CACNA1H: variants seen among roughly 807,000 people sequenced by gnomAD.
CACNA1H encodes voltage-dependent T-type calcium channel subunit alpha-1H.
Under a neutral mutation model 192.5 loss-of-function variants are expected in CACNA1H, and 149 were observed. The ratio of observed to expected loss-of-function variants is 0.77; its 90% CI spans 0.68 to 0.89. The LOEUF (loss-of-function observed/expected upper bound fraction) is 0.89. CACNA1H is among the 40% of genes least tolerant of loss of function. CACNA1H has a pLI of 0.00. For synonymous variants in CACNA1H, 2,202 were observed against 1,475.2 expected, an observed-to-expected ratio of 1.49 and a Z score of -11.29; for missense variants, 4,257 against 3,423.5, an observed-to-expected ratio of 1.24 and a Z score of -6.08.
Position 1,221,347 on chromosome 16 carries a change from C to T in CACNA1H, c.*353C>T, listed in dbSNP as rs1012116687. The T allele has an allele frequency of 1.2e-5, 4 of 342,000 alleles. No individual in the cohort carries two copies. Among genetic ancestry groups the T allele is most frequent in the Non-Finnish European group, 2.1e-5 (4 of 188,716 alleles). The allele number at this position is 342,000 out of a possible 1,614,324, so 21.2% of individuals were successfully genotyped here. A position where few individuals can be genotyped will look rare whatever the true frequency, so the allele number is the denominator to read the frequency against. ...CCAGGTTGCGTCCTTTCAGGCCCCG[C>T]GTTGTTACAGGACACTCGCTGGGGG... On this transcript the variant is annotated 3_prime_UTR_variant, in exon 35 of 35. Transcript: ENST00000348261.
intron 6 of CACNA1H, among the ~76,000 whole-genome samples, chr16:1,199,293 C>T (rs34268677): frequency 5.3e-5 from 5 of 93,800 alleles, no homozygotes; most frequent in African/African-American, 4.9e-5. Flanking sequence ...CTCCGCCCAC[C>T]GCGCAGTCGC....
chr16:1,171,079 C>G lies in CACNA1H; in HGVS notation c.299+17043C>G, dbSNP rs1596317870. Among the ~76,000 whole-genome samples the G allele has an allele frequency of 2.0e-5, 3 of 152,296 alleles. No homozygotes were observed. The South Asian group carries it at 6.2e-4, about 32-fold the overall frequency. The stretch of plus-strand genomic sequence containing the variant: ...TCCTGCACACCCTTGGCTCCCTGTC[C>G]CACTCCACGGCCAGGCCTTTGTCCC... On this transcript the variant is annotated intron_variant, in intron 2 of 34. Transcript: ENST00000348261.
chr16:1,170,730 G>GC lies in CACNA1H; in HGVS notation c.299+16701dup, dbSNP rs771854577. ...GGTGAGGGAAGCTGGGCTGGGTTGG[G>GC]CCCCCCCACCGCCGTGTGCAGGAGG... On this transcript the variant is annotated intron_variant, in intron 2 of 34. Coordinates refer to ENST00000348261, the MANE Select transcript of CACNA1H (RefSeq NM_021098.3). Among the ~76,000 whole-genome samples, 21 of 152,188 alleles carry GC rather than the reference G, an allele frequency of 1.4e-4. No individual in the cohort carries two copies. The East Asian group carries it at 1.6e-3, about 11-fold the overall frequency.
chr16:1,178,786 C>A (rs969769415), intron 2 of CACNA1H, among the ~76,000 whole-genome samples: 4 of 152,248 alleles, frequency 2.6e-5, no homozygotes, highest in Non-Finnish European at 5.9e-5. Context: ...CTCCTCCAAG[C>A]TCCAGAAGTC....
intron 5 of CACNA1H, among the ~76,000 whole-genome samples, chr16:1,196,800 C>T (rs1359221010): frequency 6.6e-6 from 1 of 152,100 alleles, no homozygotes; most frequent in Non-Finnish European, 1.5e-5. Flanking sequence ...TCCGGGCCAC[C>T]CACCTGCATC....
Position 1,154,031 on chromosome 16 carries a change from C to T in CACNA1H, c.294C>T (p.Cys98=). The part of the protein sequence containing the change: ...RPRSWCLRLV[C]NPWFEHVSML... The stretch of plus-strand genomic sequence containing the variant: ...GCAGCTGGTGCCTCCGGCTGGTCTG[C>T]AACCCATATCCTTCCCGGCCGGCGG... Residue 98 remains cysteine (C), a synonymous_variant, in exon 2 of 35, where the codon TGC becomes TGT. Transcript: ENST00000348261. The T allele has an allele frequency of 1.5e-6, 2 of 1,356,276 alleles. No individual in the cohort carries two copies. The highest frequency in any genetic ancestry group is 1.9e-6 in the Non-Finnish European group (2 of 1,053,574). The allele number at this position is 1,356,276 out of a possible 1,614,324, so 84.0% of individuals were successfully genotyped here.
At chr16:1,208,631 G>C (rs901994517) in intron 16 of CACNA1H, among the ~76,000 whole-genome samples, 1 of 152,134 alleles carries the variant, frequency 6.6e-6, no homozygotes, top group African/African-American at 2.4e-5. Flanking sequence ...GTTTTGAAAC[G>C]AACTCCAGGC....
At chr16:1,189,497 G>A (rs894387209) in intron 2 of CACNA1H, among the ~76,000 whole-genome samples, 1 of 139,190 alleles carries the variant, frequency 7.2e-6, no homozygotes, top group Non-Finnish European at 1.5e-5. Flanking sequence ...GCTCACTGTA[G>A]CTTCCACCTC....
In CACNA1H at chr16:1,221,167, C is replaced by G; in HGVS notation, c.*173C>G. 1.8e-6 allele frequency: 1 copy of G among 556,458 alleles called. No individual in the cohort carries two copies. The highest frequency in any genetic ancestry group is 3.1e-5 in the South Asian group (1 of 32,522). 34.5% of individuals were successfully genotyped at this position (556,458 alleles called of 1,614,324 possible). A position where few individuals can be genotyped will look rare whatever the true frequency, so the allele number is the denominator to read the frequency against. ...TCTCTGCCCAGCGAAGCAGGAGTAG[C>G]TGCCGGGCCCCACGAGCCTCCGTCC... On this transcript the variant is annotated 3_prime_UTR_variant, in exon 35 of 35. Transcript: ENST00000348261.
chr16:1,212,289 G>C, intron 25 of CACNA1H, 151 bp downstream of exon 25: 8 of 1,285,628 alleles, frequency 6.2e-6, no homozygotes, highest in African/African-American at 1.5e-5. Flanking sequence ...GGCCTTGGAG[G>C]GGCTGGCCCG....
At chr16:1,209,503 G>C in intron 17 of CACNA1H, 91 bp downstream of exon 17, 2 of 1,494,920 alleles carry the variant, frequency 1.3e-6, no homozygotes, top group Non-Finnish European at 1.8e-6. Flanking sequence ...GATTCAGGGC[G>C]TGTTGTTGAC....
At chr16:1,202,492 C>T in intron 9 of CACNA1H, 40 bp downstream of exon 9, 12 of 1,444,586 alleles carry the variant, frequency 8.3e-6, no homozygotes, top group Non-Finnish European at 1.0e-5. Context: ...GGCGGTGGGA[C>T]CTAGGCAGGG....
intron 2 of CACNA1H, among the ~76,000 whole-genome samples, chr16:1,162,782 C>T (rs1270673767): frequency 6.6e-6 from 1 of 152,122 alleles, no homozygotes; most frequent in African/African-American, 2.4e-5. Flanking sequence ...AGTGTCCAAG[C>T]TGGGGGACCA....
At chr16:1,208,860 C>T (rs572647999) in intron 16 of CACNA1H, among the ~76,000 whole-genome samples, 172 bp from the exon 17 acceptor site, 37 of 152,340 alleles carry the variant, frequency 2.4e-4, no homozygotes, top group Non-Finnish European at 4.3e-4. Context: ...TCATGAGCTA[C>T]GCCTGTGGCT....
chr16:1,211,309 C>G lies in CACNA1H; in HGVS notation c.4350+15C>G. ...TGGGTGTGCAGGTGTGTGGCCCCCACGTGCCCGGGGGTCTGCCCCGTCGCA... is the reference window on the plus strand; with the variant it reads ...TGGGTGTGCAGGTGTGTGGCCCCCAGGTGCCCGGGGGTCTGCCCCGTCGCA... On this transcript the variant is annotated intron_variant, in intron 22 of 34. Coordinates refer to ENST00000348261, the MANE Select transcript of CACNA1H (RefSeq NM_021098.3). 6.2e-7 allele frequency: 1 copy of G among 1,612,726 alleles called. No individual in the cohort carries two copies. Among genetic ancestry groups the G allele is most frequent in the African/African-American group, 1.3e-5 (1 of 75,054 alleles).
Position 1,220,300 on chromosome 16 carries a change from C to G in CACNA1H, c.6368C>G (p.Ser2123Cys). ...PTAEPHGPEA[S>C]PVAGGERDLR... ...GCCGAGCCCCATGGCCCCGAAGCCTCTCCGGTGGCCGGCGGCGAGCGGGAC... is the reference window on the plus strand; with the variant it reads ...GCCGAGCCCCATGGCCCCGAAGCCTGTCCGGTGGCCGGCGGCGAGCGGGAC... The change falls in exon 35 of 35, where the codon TCT (serine) becomes TGT (cysteine). Residue 2123 changes from serine (S) to cysteine (C), a missense_variant. Ser to Cys is a moderately radical substitution (Grantham distance 112, BLOSUM62 -1). Transcript: ENST00000348261. The G allele has an allele frequency of 6.4e-7, 1 of 1,568,100 alleles. No individual in the cohort carries two copies. Among genetic ancestry groups the G allele is most frequent in the Non-Finnish European group, 8.6e-7 (1 of 1,164,506 alleles).
chr16:1,164,070 T>C (rs746377904), intron 2 of CACNA1H, among the ~76,000 whole-genome samples: 1 of 152,148 alleles, frequency 6.6e-6, no homozygotes, highest in African/African-American at 2.4e-5. Context: ...CGGCCGGGTA[T>C]GGAGGCCGGC....
chr16:1,169,500 G>A (rs895308295), intron 2 of CACNA1H, among the ~76,000 whole-genome samples: 10 of 152,198 alleles, frequency 6.6e-5, no homozygotes, highest in African/African-American at 2.4e-4. Context: ...AGGGCTTGGC[G>A]GGCACAGCGC....
intron 2 of CACNA1H, among the ~76,000 whole-genome samples, chr16:1,159,219 C>T (rs2151638172): frequency 6.6e-6 from 1 of 152,358 alleles, no homozygotes; most frequent in South Asian, 2.1e-4. Context: ...ACGAGGCTGG[C>T]CTGAGCCCTG....
Sources: allele counts gnomAD v4.1 joint callset (sites outside exome capture counted in the v4.1 genomes callset), GRCh38; gene constraint gnomAD v4.1.1; transcripts MANE v1.5; gene names NCBI Gene and HGNC (gene_info 2026-07-23, HGNC 2026-07-21).